GPR176: variants seen among roughly 807,000 people sequenced by gnomAD.
GPR176 encodes the protein G-protein coupled receptor 176.
GPR176 carries 26 observed loss-of-function variants against 35.4 expected under a neutral mutation model. That is an observed-to-expected ratio of 0.74 (90% CI 0.54 to 1.02). GPR176 has a LOEUF of 1.02. Ranked by LOEUF, GPR176 falls within the 50% of genes least tolerant of loss-of-function variation. The probability of loss-of-function intolerance (pLI) is 0.00; values close to 1 mark genes in which losing one functional copy is unlikely to be tolerated. For synonymous variants in GPR176, 278 were observed against 271.3 expected (o/e 1.02, Z -0.24); for missense variants, 597 against 665.3 (o/e 0.90, Z 1.13).
At chr15:39,844,764 T>C (rs557634448) in intron 1 of GPR176, among the ~76,000 whole-genome samples, 1 of 152,196 alleles carries the variant, frequency 6.6e-6, no homozygotes, top group Non-Finnish European at 1.5e-5. Context: ...AGCCCAACAC[T>C]GATCGTGAAC....
At chr15:39,858,158 C>T (rs1328142429) in intron 1 of GPR176, among the ~76,000 whole-genome samples, 1 of 151,736 alleles carries the variant, frequency 6.6e-6, no homozygotes, top group African/African-American at 2.4e-5. Context: ...GCAAGGTTGA[C>T]CAGTCTGAAA....
At chr15:39,819,566 C>T (rs1040478085) in intron 1 of GPR176, among the ~76,000 whole-genome samples, 1 of 152,216 alleles carries the variant, frequency 6.6e-6, no homozygotes, top group African/African-American at 2.4e-5. Context: ...CTACCTTCAA[C>T]CAACAAGCTG....
At position 39,864,498 on chromosome 15, in the gene GPR176, T is replaced by C. The variant is rs943861071; in HGVS notation, c.172+55357A>G. On this transcript the variant is annotated intron_variant, in intron 1 of 2. Transcript: ENST00000561100. ...ACCATATACAAAAATCAACTCAAGATGGATTAAAGACTTAAACGTAAGACC... is the reference window on the plus strand; with the variant it reads ...ACCATATACAAAAATCAACTCAAGACGGATTAAAGACTTAAACGTAAGACC... 5.9e-5 allele frequency among the ~76,000 whole-genome samples: 9 copies of C among 152,186 alleles called. No homozygotes were observed. The South Asian group carries it at 1.7e-3, about 28-fold the overall frequency.
chr15:39,899,469 A>G (rs2033212364), intron 1 of GPR176, among the ~76,000 whole-genome samples: 1 of 152,252 alleles, frequency 6.6e-6, no homozygotes, highest in Admixed American at 6.5e-5. Flanking sequence ...ATTCTTTTAC[A>G]CATTGATGTA....
intron 1 of GPR176, among the ~76,000 whole-genome samples, chr15:39,893,712 G>C (rs1377679587): frequency 2.0e-5 from 3 of 151,224 alleles, no homozygotes; most frequent in African/African-American, 7.3e-5. Context: ...TCCCGGGCGG[G>C]GCGGCTGGCC....
chr15:39,833,409 C>T (rs1056890654), intron 1 of GPR176, among the ~76,000 whole-genome samples: 2 of 152,142 alleles, frequency 1.3e-5, no homozygotes, highest in African/African-American at 2.4e-5. Context: ...CAAAAGGCCA[C>T]ATATTGTACA....
intron 1 of GPR176, among the ~76,000 whole-genome samples, chr15:39,910,779 T>A (rs1442927847): frequency 6.6e-6 from 1 of 152,118 alleles, no homozygotes; most frequent in East Asian, 1.9e-4. Context: ...GGCTCACACC[T>A]GTAATCCCAG....
At chr15:39,852,550 T>C (rs2030944442) in intron 1 of GPR176, among the ~76,000 whole-genome samples, 1 of 152,196 alleles carries the variant, frequency 6.6e-6, no homozygotes, top group Non-Finnish European at 1.5e-5. Context: ...GCAGTTAAAA[T>C]ATGATGCAAA....
At chr15:39,867,478 T>C (rs1241569695) in intron 1 of GPR176, among the ~76,000 whole-genome samples, 2 of 152,072 alleles carry the variant, frequency 1.3e-5, no homozygotes, top group African/African-American at 4.8e-5. Context: ...AAGTCATGGC[T>C]GGCAGGAGGG....
In GPR176 at chr15:39,867,179, G is replaced by C. The variant is rs553261266; in HGVS notation, c.172+52676C>G. ...GAGATGAAGCTATAAAGTGCAAAAC[G>C]AATTTACAGGTGTTCATGCCGGCTG... On this transcript the variant is annotated intron_variant, in intron 1 of 2. Coordinates refer to ENST00000561100, the MANE Select transcript of GPR176 (RefSeq NM_007223.3). Among the ~76,000 whole-genome samples the C allele has an allele frequency of 5.9e-5, 9 of 152,274 alleles. No homozygotes were observed. In the South Asian group the frequency reaches 1.5e-3, roughly 25 times the overall value.
chr15:39,909,970 G>T, intron 1 of GPR176: 1 of 620,646 alleles, frequency 1.6e-6, no homozygotes, highest in Non-Finnish European at 2.0e-6. Flanking sequence ...TGCTTTCATA[G>T]CTGTGTCTTC....
At chr15:39,817,786 A>G (rs929067892) in intron 1 of GPR176, among the ~76,000 whole-genome samples, 5 of 152,242 alleles carry the variant, frequency 3.3e-5, no homozygotes, top group African/African-American at 4.8e-5. Context: ...GAGAGTTCAA[A>G]AAAAGGCACT....
chr15:39,851,749 A>G (rs968734406), intron 1 of GPR176, among the ~76,000 whole-genome samples: 3 of 152,272 alleles, frequency 2.0e-5, no homozygotes, highest in Non-Finnish European at 2.9e-5. Context: ...CTCAGAACAC[A>G]GACTTCGAGT....
chr15:39,895,989 G>A (rs1393897918), intron 1 of GPR176, among the ~76,000 whole-genome samples: 1 of 152,042 alleles, frequency 6.6e-6, no homozygotes, highest in Non-Finnish European at 1.5e-5. Flanking sequence ...CTACTCCATT[G>A]AAAAAGATAC....
intron 1 of GPR176, among the ~76,000 whole-genome samples, chr15:39,883,725 C>T (rs2032567839): frequency 6.6e-6 from 1 of 152,124 alleles, no homozygotes; most frequent in Admixed American, 6.5e-5. Context: ...TTTTCTTCTT[C>T]ATAGGTCTAA....
intron 1 of GPR176, among the ~76,000 whole-genome samples, chr15:39,836,053 C>G (rs776170161): frequency 6.6e-6 from 1 of 152,204 alleles, no homozygotes; most frequent in East Asian, 1.9e-4. Flanking sequence ...CAAGATCGTG[C>G]CACTGCACTC....
intron 1 of GPR176, among the ~76,000 whole-genome samples, chr15:39,875,221 T>C (rs1233160943): frequency 1.3e-5 from 2 of 152,178 alleles, no homozygotes; most frequent in Non-Finnish European, 2.9e-5. Context: ...TCAAAATTAA[T>C]AGTTTCAAAA....
At position 39,800,886 on chromosome 15, in the gene GPR176, CCA is replaced by C; in HGVS notation, c.*244_*245del. ...ATTCAAAACTGCCCAGCTCTTGTCC[CCA>C]CAGAGAATAATGTGGACTTCACTAA... On this transcript the variant is annotated 3_prime_UTR_variant, in exon 3 of 3. Coordinates refer to ENST00000561100, the MANE Select transcript of GPR176 (RefSeq NM_007223.3). 2 of 436,062 alleles carry C rather than the reference CCA, an allele frequency of 4.6e-6. No homozygotes were observed. The highest frequency in any genetic ancestry group is 4.2e-6 in the Non-Finnish European group (1 of 239,940). 27.0% of individuals were successfully genotyped at this position (436,062 alleles called of 1,614,324 possible).
intron 1 of GPR176, among the ~76,000 whole-genome samples, chr15:39,918,654 C>T (rs902902161): frequency 8.6e-5 from 13 of 151,328 alleles, no homozygotes; most frequent in Admixed American, 5.9e-4. Flanking sequence ...GTCATAAAAA[C>T]ACATCTTAAA....
Sources: gnomAD v4.1 joint callset for allele counts (sites outside exome capture counted in the v4.1 genomes callset) on GRCh38, gnomAD v4.1.1 for gene constraint, MANE v1.5 for transcripts, NCBI Gene and HGNC (gene_info 2026-07-23, HGNC 2026-07-21) for gene names.